Variants in TENM4 observed in about 807,000 individuals in gnomAD.
TENM4 encodes teneurin transmembrane protein 4.
In TENM4, 82 loss-of-function variants were observed where a neutral mutation model predicts 243.3. The ratio of observed to expected loss-of-function variants is 0.34; its 90% CI spans 0.28 to 0.40. The LOEUF is 0.40. Ranked by LOEUF, TENM4 falls within the 10% of genes least tolerant of loss-of-function variation. TENM4 has a pLI of 1.00. For missense variants in TENM4, 3,138 were observed against 3,673.3 expected (o/e 0.85, Z 3.77); for synonymous variants, 1,412 against 1,456.3 (o/e 0.97, Z 0.69).
intron 6 of TENM4, among the ~76,000 whole-genome samples, chr11:78,954,345 T>C (rs1461805482): frequency 1.3e-5 from 2 of 152,232 alleles, no homozygotes; most frequent in East Asian, 3.8e-4. Flanking sequence ...ATTAAAATCC[T>C]ACAGAGTACT....
At chr11:79,352,467 A>G (rs1777156962) in intron 1 of TENM4, among the ~76,000 whole-genome samples, 1 of 152,148 alleles carries the variant, frequency 6.6e-6, no homozygotes, top group Non-Finnish European at 1.5e-5. Flanking sequence ...GCTCCTTCCA[A>G]ATGGGCTCCT....
intron 12 of TENM4, among the ~76,000 whole-genome samples, chr11:78,821,588 C>T (rs1034066969): frequency 2.6e-5 from 4 of 152,110 alleles, no homozygotes; most frequent in East Asian, 1.9e-4. Context: ...CTGGGAGCCA[C>T]GTTTAAGACA....
chr11:79,116,475 G>A (rs1255545738), intron 4 of TENM4, among the ~76,000 whole-genome samples: 1 of 150,214 alleles, frequency 6.7e-6, no homozygotes, highest in Non-Finnish European at 1.5e-5. Flanking sequence ...TCTAAGTCAA[G>A]TTGACGTTGA....
rs185087325 is a variant in TENM4, at chr11:78,857,603, A to C, written c.1256-1425T>G. Among the ~76,000 whole-genome samples, 344 of 152,352 alleles carry C rather than the reference A, an allele frequency of 2.3e-3. 1 individual carries two copies. The highest frequency in any genetic ancestry group is 0.014 in the Middle Eastern group (4 of 294). Reference sequence around the variant, plus strand: ...ACTGTTAAATGTTATTTTAATTAAAAATATGCCAACAAAAAAGTTAAAATG... The same window carrying C: ...ACTGTTAAATGTTATTTTAATTAAACATATGCCAACAAAAAAGTTAAAATG... On this transcript the variant is annotated intron_variant, in intron 10 of 33. Coordinates refer to ENST00000278550, the MANE Select transcript of TENM4 (RefSeq NM_001098816.3).
At chr11:79,123,706 G>T (rs1207970631) in intron 4 of TENM4, among the ~76,000 whole-genome samples, 1 of 151,466 alleles carries the variant, frequency 6.6e-6, no homozygotes, top group East Asian at 1.9e-4. Flanking sequence ...GTCCCTTTTC[G>T]GGGAAGCCCC....
chr11:78,859,657 C>T (rs1385551134), intron 10 of TENM4, among the ~76,000 whole-genome samples: 1 of 152,184 alleles, frequency 6.6e-6, no homozygotes, highest in East Asian at 1.9e-4. Flanking sequence ...TCTCCCTCCA[C>T]CTTTTTGGTT....
At chr11:78,848,957 A>G (rs1858465305) in intron 12 of TENM4, among the ~76,000 whole-genome samples, 1 of 152,218 alleles carries the variant, frequency 6.6e-6, no homozygotes, top group Non-Finnish European at 1.5e-5. Flanking sequence ...CTTCTCTTCA[A>G]TGAGCACCAG....
At chr11:78,993,295 T>G (rs1384519912) in intron 6 of TENM4, among the ~76,000 whole-genome samples, 1 of 152,106 alleles carries the variant, frequency 6.6e-6, no homozygotes, top group East Asian at 1.9e-4. Flanking sequence ...AAAAGGGGAA[T>G]TTATGTCTTT....
intron 2 of TENM4, among the ~76,000 whole-genome samples, chr11:79,290,008 C>G (rs537811632): frequency 6.6e-6 from 1 of 151,560 alleles, no homozygotes; most frequent in Non-Finnish European, 1.5e-5. Flanking sequence ...GTTAGCCAGG[C>G]GGGTCTTGAA....
chr11:79,124,369 T>C (rs34339117), intron 4 of TENM4, among the ~76,000 whole-genome samples: 52,096 of 151,988 alleles, frequency 0.34, 9,925 homozygotes, highest in Middle Eastern at 0.44. Context: ...ATCAGCTTCC[T>C]GGCTAGAATA....
At chr11:79,421,969 G>C (rs1236898195) in intron 1 of TENM4, among the ~76,000 whole-genome samples, 2 of 152,090 alleles carry the variant, frequency 1.3e-5, no homozygotes, top group Non-Finnish European at 2.9e-5. Context: ...GCTAGACTGT[G>C]AGGGAAGGGC....
rs191688599 is a variant in TENM4 at position 79,421,575 on chromosome 11, G to T, written c.-321+18934C>A. The stretch of plus-strand genomic sequence containing the variant: ...GAGAGTTCATATTATAATTCTAACG[G>T]GGTTTTCACACAAGGTAGAATGAGG... On this transcript the variant is annotated intron_variant, in intron 1 of 33. Coordinates refer to ENST00000278550, the MANE Select transcript of TENM4 (RefSeq NM_001098816.3). 3.3e-5 allele frequency among the ~76,000 whole-genome samples: 5 copies of T among 152,206 alleles called. No individual in the cohort carries two copies. In the East Asian group the frequency reaches 9.6e-4, roughly 29 times the overall value.
chr11:78,765,977 G>C (rs1014356163), intron 18 of TENM4, among the ~76,000 whole-genome samples: 1 of 152,124 alleles, frequency 6.6e-6, no homozygotes, highest in Non-Finnish European at 1.5e-5. Context: ...TGAAAAAATA[G>C]AATGTAAAAT....
At chr11:79,407,753 TAAC>T (rs1858603732) in intron 1 of TENM4, among the ~76,000 whole-genome samples, 1 of 152,192 alleles carries the variant, frequency 6.6e-6, no homozygotes. Flanking sequence ...TATCAGTAGT[TAAC>T]AAATGGGTGA....
At chr11:79,195,460 AG>A (rs1227983048) in intron 3 of TENM4, among the ~76,000 whole-genome samples, 1 of 152,060 alleles carries the variant, frequency 6.6e-6, no homozygotes, top group Non-Finnish European at 1.5e-5. Context: ...AAAGCCAAAG[AG>A]GTGGAGTTGC....
chr11:79,264,706 G>A, intron 2 of TENM4, among the ~76,000 whole-genome samples: 1 of 152,138 alleles, frequency 6.6e-6, no homozygotes, highest in East Asian at 1.9e-4. Context: ...AAAATCACAG[G>A]GTAGGACTTG....
At chr11:79,324,130 T>C (rs1216285080) in intron 1 of TENM4, among the ~76,000 whole-genome samples, 1 of 152,224 alleles carries the variant, frequency 6.6e-6, no homozygotes, top group South Asian at 2.1e-4. Flanking sequence ...ATGCCTAATA[T>C]AATGTAAATA....
chr11:78,981,891 A>G (rs1414048236), intron 6 of TENM4, among the ~76,000 whole-genome samples: 1 of 151,996 alleles, frequency 6.6e-6, no homozygotes, highest in East Asian at 1.9e-4. Context: ...TGCTGCTCTC[A>G]TGGAGTTGCC....
chr11:78,880,698 G>T (rs1855407160), intron 9 of TENM4, among the ~76,000 whole-genome samples: 1 of 152,232 alleles, frequency 6.6e-6, no homozygotes, highest in Non-Finnish European at 1.5e-5. Flanking sequence ...GAATGTTTCT[G>T]TTGTTTGCCC....
Sources: gnomAD v4.1 joint callset for allele counts (sites outside exome capture counted in the v4.1 genomes callset) on GRCh38, gnomAD v4.1.1 for gene constraint, MANE v1.5 for transcripts, NCBI Gene and HGNC (gene_info 2026-07-23, HGNC 2026-07-21) for gene names.